The following RABGAP1 variants were observed in gnomAD, a reference collection of about 807,000 sequenced individuals.
RABGAP1 encodes the protein rab GTPase-activating protein 1.
A neutral mutation model predicts 137.6 loss-of-function variants in RABGAP1; 23 were observed. The observed-to-expected ratio is 0.17, with a 90% CI of 0.12 to 0.24. The LOEUF (loss-of-function observed/expected upper bound fraction) is 0.24, where lower values mean the gene tolerates loss of function less well. Among genes scored for constraint, RABGAP1 ranks in the 10% least tolerant of loss-of-function variants. The probability of loss-of-function intolerance (pLI) is 1.00; values close to 1 mark genes in which losing one functional copy is unlikely to be tolerated. For synonymous variants in RABGAP1, 451 were observed against 450.7 expected (o/e 1.00, Z -0.01); for missense variants, 906 against 1,275.8 (o/e 0.71, Z 4.42).
At chr9:123,032,197 AC>A (rs1297385781) in intron 13 of RABGAP1, among the ~76,000 whole-genome samples, 1 of 151,862 alleles carries the variant, frequency 6.6e-6, no homozygotes, top group Non-Finnish European at 1.5e-5. Flanking sequence ...AAAGTTATAT[AC>A]CCCCTCTGTG....
chr9:123,092,877 C>T (rs1268529713), intron 21 of RABGAP1, among the ~76,000 whole-genome samples: 1 of 152,204 alleles, frequency 6.6e-6, no homozygotes, highest in Non-Finnish European at 1.5e-5. Context: ...AGGGCTGACA[C>T]CAGAGCTCAC....
In RABGAP1 at chr9:123,021,416, C is replaced by T. The variant is rs115946440; in HGVS notation, c.1794+957C>T. ...TAGGCTCACCGCAACCTCTGCCTCC[C>T]GGCTTTAAGCAATTGTTGTGCCTCC... On this transcript the variant is annotated intron_variant, in intron 13 of 25. Transcript: ENST00000373647. 5.7e-3 allele frequency among the ~76,000 whole-genome samples: 865 copies of T among 151,234 alleles called. 6 individuals carry two copies. The highest frequency in any genetic ancestry group is 0.019 in the African/African-American group (786 of 41,164).
At chr9:122,958,505 A>G (rs913131549) in intron 2 of RABGAP1, among the ~76,000 whole-genome samples, 1 of 152,252 alleles carries the variant, frequency 6.6e-6, no homozygotes, top group East Asian at 1.9e-4. Context: ...GAATACTTGG[A>G]CACAGGATGG....
Position 123,010,501 on chromosome 9 carries a change from T to A in RABGAP1, c.1522T>A (p.Ser508Thr). Residue 508 changes from serine (S) to threonine (T), a missense_variant, in exon 11 of 26, where the codon TCT becomes ACT. Around this residue, in one of 9 missense-constraint regions of RABGAP1, gnomAD observed 212 missense variants for 289.4 expected, o/e 0.73. Coordinates refer to ENST00000373647, the MANE Select transcript of RABGAP1 (RefSeq NM_012197.4). The stretch of plus-strand genomic sequence containing the variant: ...TGGATCGCAAAGTTCAGTGATACCT[T>A]CTCCTCCAGAAGATGATGAAGAGGA... ...QSGSQSSVIPSPPEDDEEEDN... is the reference protein window; with the variant it reads ...QSGSQSSVIPTPPEDDEEEDN... The A allele has an allele frequency of 6.2e-7, 1 of 1,613,734 alleles. No individual in the cohort carries two copies. Among genetic ancestry groups the A allele is most frequent in the Non-Finnish European group, 8.5e-7 (1 of 1,179,738 alleles).
intron 13 of RABGAP1, among the ~76,000 whole-genome samples, chr9:123,039,986 T>C (rs1467006247): frequency 6.6e-6 from 1 of 152,194 alleles, no homozygotes; most frequent in Non-Finnish European, 1.5e-5. Flanking sequence ...AATTGTATTA[T>C]GTAAGAGCAG....
chr9:122,948,549 A>G (rs1834059261), intron 1 of RABGAP1, among the ~76,000 whole-genome samples: 1 of 152,186 alleles, frequency 6.6e-6, no homozygotes. Context: ...TATAATTGAC[A>G]CTCAAGAAGT....
chr9:122,953,798 C>T (rs1026180204), intron 1 of RABGAP1, among the ~76,000 whole-genome samples: 1 of 152,138 alleles, frequency 6.6e-6, no homozygotes, highest in South Asian at 2.1e-4. Context: ...TAAAAGGTGG[C>T]CTTACTTTTT....
chr9:123,004,242 A>G (rs1431268893), intron 10 of RABGAP1, among the ~76,000 whole-genome samples: 1 of 152,114 alleles, frequency 6.6e-6, no homozygotes, highest in Non-Finnish European at 1.5e-5. Flanking sequence ...TTAGCAAGTA[A>G]TCTTTGGGGG....
chr9:123,101,697 G>A lies in RABGAP1; in HGVS notation c.3021G>A (p.Leu1007=), dbSNP rs1044563912. ...DEEKETLKNQ[L]REMELELAQT... ...AGAAAGAGACGCTCAAGAACCAGCT[G>A]AGAGAAATGGAGCTAGAACTGGCAC... is the stretch of plus-strand genomic sequence containing the variant. Residue 1007 remains leucine (L), a synonymous_variant, in exon 25 of 26, where the codon CTG becomes CTA. Coordinates refer to ENST00000373647, the MANE Select transcript of RABGAP1 (RefSeq NM_012197.4). 16 of 1,613,838 alleles carry A rather than the reference G, an allele frequency of 9.9e-6. No homozygotes were observed. Among genetic ancestry groups the A allele is most frequent in the Non-Finnish European group, 1.4e-5 (16 of 1,179,976 alleles).
chr9:122,973,250 G>T (rs7040058), intron 2 of RABGAP1, among the ~76,000 whole-genome samples: 148,660 of 152,136 alleles, frequency 0.98, 72,730 homozygotes, highest in East Asian at 1. Context: ...ACTTTTTTTT[G>T]CTTTTGAGAC....
intron 10 of RABGAP1, among the ~76,000 whole-genome samples, chr9:123,000,608 A>G (rs925377599): frequency 5.3e-5 from 8 of 152,128 alleles, no homozygotes; most frequent in Non-Finnish European, 1.0e-4. Flanking sequence ...TCTCATCTCC[A>G]TCTAATCACT....
At chr9:123,035,634 G>A in intron 13 of RABGAP1, 5 of 1,312,552 alleles carry the variant, frequency 3.8e-6, no homozygotes, top group Non-Finnish European at 4.2e-6. Flanking sequence ...CAGTTACGGG[G>A]TTCCCGTGTG....
Position 123,101,749 on chromosome 9 carries a change from G to T in RABGAP1, c.3073G>T (p.Glu1025Ter). Reference protein sequence around the residue: ...AQTKLQLVEAECKIQDLEHHL... With the variant: ...AQTKLQLVEA The stretch of plus-strand genomic sequence containing the variant: ...GACCAAACTCCAGCTGGTGGAGGCC[G>T]AGTGTAAGATACAGGTAACAGCAGC... Residue 1025 changes from glutamate to a stop codon, truncating the protein, a stop_gained, in exon 25 of 26, where the codon GAG becomes TAG. Transcript: ENST00000373647. LOFTEE classifies it high-confidence loss of function. 6.2e-7 allele frequency: 1 copy of T among 1,609,502 alleles called. No individual in the cohort carries two copies. Among genetic ancestry groups the T allele is most frequent in the South Asian group, 1.1e-5 (1 of 90,050 alleles).
rs66629098 is a variant in RABGAP1 at position 123,051,742 on chromosome 9, C to CTATTT, written c.1795-13556_1795-13552dup. 7.7e-3 allele frequency among the ~76,000 whole-genome samples: 1,079 copies of CTATTT among 140,200 alleles called. 8 individuals carry two copies. Among genetic ancestry groups the CTATTT allele is most frequent in the Middle Eastern group, 0.025 (7 of 276 alleles). 92.0% of individuals were successfully genotyped at this position (140,200 alleles called of 152,430 possible). A position where few individuals can be genotyped will look rare whatever the true frequency, so the allele number is the denominator to read the frequency against. On this transcript the variant is annotated intron_variant, in intron 13 of 25. Coordinates refer to ENST00000373647, the MANE Select transcript of RABGAP1 (RefSeq NM_012197.4). ...GTTATAAGAGTCTAGAAGAGAAAAGCTATTTTATTTTATTTTATTTTATTT... is the reference window on the plus strand; with the variant it reads ...GTTATAAGAGTCTAGAAGAGAAAAGCTATTTTATTTTATTTTATTTTATTTTATTT...
At position 123,104,646 on chromosome 9, in the gene RABGAP1, C is replaced by T. The variant is rs539920204; in HGVS notation, c.*1433C>T. 242 of 152,550 alleles carry T rather than the reference C, an allele frequency of 1.6e-3. 8 individuals are homozygous for T. In the South Asian group the frequency reaches 0.049, roughly 31 times the overall value. The allele number at this position is 152,550 out of a possible 1,614,324, so 9.4% of individuals were successfully genotyped here. ...AAGGGAGGTAACAAGTGGCAACCCC[C>T]TCCCCACCAACCATCCCCTTTGCTG... On this transcript the variant is annotated 3_prime_UTR_variant, in exon 26 of 26. Transcript: ENST00000373647.
intron 1 of RABGAP1, among the ~76,000 whole-genome samples, chr9:122,950,377 C>CTTTTTTTTTTTTTTTTTTTTTTTTG (rs200424486): frequency 2.7e-5 from 2 of 74,492 alleles, no homozygotes; most frequent in African/African-American, 5.3e-5. Context: ...CTTTTTCTTT[C>CTTTTTTTTTTTTTTTTTTTTTTTTG]TTTTTTTTTT....
At chr9:123,071,682 G>A (rs1292798983) in intron 15 of RABGAP1, among the ~76,000 whole-genome samples, 1 of 152,204 alleles carries the variant, frequency 6.6e-6, no homozygotes, top group Non-Finnish European at 1.5e-5. Context: ...GCTTCTCAGG[G>A]GAAGTGACCT....
chr9:122,982,275 G>A (rs1836109997), intron 2 of RABGAP1, among the ~76,000 whole-genome samples: 1 of 152,186 alleles, frequency 6.6e-6, no homozygotes, highest in African/African-American at 2.4e-5. Context: ...ATTGAAGACA[G>A]TTCTTATGTT....
At chr9:123,044,895 T>C (rs1432031716) in intron 13 of RABGAP1, among the ~76,000 whole-genome samples, 1 of 152,022 alleles carries the variant, frequency 6.6e-6, no homozygotes, top group East Asian at 1.9e-4. Context: ...TCGTAAAGTA[T>C]CCAGCTGGAC....
Sources: allele counts gnomAD v4.1 joint callset (sites outside exome capture counted in the v4.1 genomes callset), GRCh38; gene constraint gnomAD v4.1.1; regional missense constraint gnomAD v4.1.1; transcripts MANE v1.5; gene names NCBI Gene and HGNC (gene_info 2026-07-23, HGNC 2026-07-21).